Variants in SATL1 observed in about 807,000 individuals in gnomAD.
The protein encoded by SATL1 is spermidine/spermine N(1)-acetyltransferase-like protein 1.
SATL1 carries 47 observed loss-of-function variants against 51.8 expected under a neutral mutation model. That is an observed-to-expected ratio of 0.91 (90% CI 0.72 to 1.16). The LOEUF is 1.16. Among genes scored for constraint, SATL1 ranks in the 50% most tolerant of loss-of-function variants. The pLI, the probability that SATL1 is intolerant of heterozygous loss-of-function variation, is 0.00. For synonymous variants in SATL1, 176 were observed against 182.4 expected (o/e 0.97, Z 0.28); for missense variants, 520 against 526.4 (o/e 0.99, Z 0.12).
chrX:85,134,354 T>C (rs1450568008), intron 2 of SATL1, among the ~76,000 whole-genome samples: 1 of 111,593 alleles, frequency 9.0e-6, no homozygotes, highest in African/African-American at 3.3e-5. Flanking sequence ...TGTACAACCT[T>C]GCAGATTAAA....
At position 85,103,747 on chromosome X, in the gene SATL1, T is replaced by C. The variant is rs984660025; in HGVS notation, c.1693+117A>G. On this transcript the variant is annotated intron_variant, in intron 4 of 7. Coordinates refer to ENST00000644105, the MANE Select transcript of SATL1 (RefSeq NM_001367857.2). The stretch of plus-strand genomic sequence containing the variant: ...CACTGACAAAGCTATCAAATTTATG[T>C]CCTGCACATGTTAGTAATGGTGTCA... 1.5e-5 allele frequency: 7 copies of C among 460,893 alleles called. No individual in the cohort carries two copies. In the Admixed American group the frequency reaches 2.2e-4, roughly 15 times the overall value. 38.0% of individuals were successfully genotyped at this position (460,893 alleles called of 1,213,427 possible). A position where few individuals can be genotyped will look rare whatever the true frequency, so the allele number is the denominator to read the frequency against.
chrX:85,208,243 T>C (rs1374912504), intron 2 of SATL1, among the ~76,000 whole-genome samples: 2 of 111,858 alleles, frequency 1.8e-5, no homozygotes, highest in African/African-American at 6.5e-5. Flanking sequence ...CATCCTTTTT[T>C]ATGGCTGCAT....
intron 2 of SATL1, among the ~76,000 whole-genome samples, chrX:85,214,291 A>G (rs752488749): frequency 1.8e-5 from 2 of 111,470 alleles, no homozygotes; most frequent in Non-Finnish European, 3.8e-5. Context: ...GAGATCACGT[A>G]GCAAGAGAGG....
At chrX:85,150,939 C>A (rs1228498684) in intron 2 of SATL1, among the ~76,000 whole-genome samples, 1 of 111,160 alleles carries the variant, frequency 9.0e-6, no homozygotes, top group South Asian at 3.8e-4. Context: ...CGCTCCTATT[C>A]AACACAGTGT....
rs374270725 is a variant in SATL1, at chrX:85,235,613, G to A, written c.-435+7975C>T. On this transcript the variant is annotated intron_variant, in intron 1 of 7. Transcript: ENST00000644105. ...AGTGGGGCAACAAAGAAATGAAGAA[G>A]GAAACTGAAAAATTTATTGAAACAA... Among the ~76,000 whole-genome samples, 15 of 110,972 alleles carry A rather than the reference G, an allele frequency of 1.4e-4. No homozygotes were observed. The East Asian group carries it at 3.4e-3, about 25-fold the overall frequency.
chrX:85,199,309 G>A (rs1173900955), intron 2 of SATL1, among the ~76,000 whole-genome samples: 1 of 111,222 alleles, frequency 9.0e-6, no homozygotes, highest in Non-Finnish European at 1.9e-5. Context: ...GGAGAAAAGG[G>A]AACCCTCATA....
intron 2 of SATL1, among the ~76,000 whole-genome samples, chrX:85,176,506 A>T (rs1927084063): frequency 1.8e-5 from 2 of 111,736 alleles, no homozygotes; most frequent in South Asian, 7.3e-4. Context: ...ACATCTATAC[A>T]ATGGAATGCT....
intron 1 of SATL1, among the ~76,000 whole-genome samples, chrX:85,241,899 G>A (rs1928605868): frequency 2.7e-5 from 3 of 111,796 alleles, no homozygotes; most frequent in East Asian, 5.6e-4. Flanking sequence ...GGGGAGAATC[G>A]ATTTGATATA....
At chrX:85,097,012 C>A (rs995696422) in intron 4 of SATL1, among the ~76,000 whole-genome samples, 2 of 111,825 alleles carry the variant, frequency 1.8e-5, no homozygotes, top group Non-Finnish European at 3.8e-5. Context: ...AAGACAGATA[C>A]ATGAGCAATT....
chrX:85,147,011 G>A (rs1395401948), intron 2 of SATL1, among the ~76,000 whole-genome samples: 1 of 112,717 alleles, frequency 8.9e-6, no homozygotes, highest in East Asian at 2.8e-4. Context: ...CCAAAGCAGA[G>A]CGAGGCATTG....
intron 1 of SATL1, among the ~76,000 whole-genome samples, chrX:85,237,178 G>A (rs1312949875): frequency 9.0e-6 from 1 of 110,682 alleles, no homozygotes; most frequent in Non-Finnish European, 1.9e-5. Context: ...ATGCTTGTTA[G>A]GATTGCTACA....
At chrX:85,217,810 C>T (rs1464259570) in intron 2 of SATL1, among the ~76,000 whole-genome samples, 1 of 111,681 alleles carries the variant, frequency 9.0e-6, no homozygotes, top group African/African-American at 3.3e-5. Context: ...CTGCCTATCT[C>T]TCTGACTATA....
chrX:85,239,165 A>G (rs973375923), intron 1 of SATL1, among the ~76,000 whole-genome samples: 7 of 111,748 alleles, frequency 6.3e-5, no homozygotes, highest in Admixed American at 2.9e-4. Flanking sequence ...AGTGAACCCT[A>G]AAGAGGATAA....
chrX:85,182,061 CCAT>C (rs200155010), intron 2 of SATL1, among the ~76,000 whole-genome samples: 2,790 of 111,040 alleles, frequency 0.025, 85 homozygotes, highest in African/African-American at 0.087. Context: ...ATTAGCATAT[CCAT>C]CATATCAAAC....
At chrX:85,148,704 G>C (rs997073572) in intron 2 of SATL1, among the ~76,000 whole-genome samples, 20 of 111,328 alleles carry the variant, frequency 1.8e-4, no homozygotes, top group African/African-American at 4.2e-4. Flanking sequence ...AATTTCATAT[G>C]CAGCCAAACT....
In SATL1 at chrX:85,097,653, A is replaced by G. The variant is rs1324445334; in HGVS notation, c.1694-2657T>C. On this transcript the variant is annotated intron_variant, in intron 4 of 7. Coordinates refer to ENST00000644105, the MANE Select transcript of SATL1 (RefSeq NM_001367857.2). ...CACCATGCCCAGCCTAATGTACGTT[A>G]TTGGGCACACAATGTATAAAGATGT... Among the ~76,000 whole-genome samples the G allele has an allele frequency of 1.2e-4, 14 of 112,305 alleles. No individual in the cohort carries two copies. The Admixed American group carries it at 1.3e-3, about 11-fold the overall frequency.
chrX:85,229,727 A>T (rs1314445460), intron 1 of SATL1, among the ~76,000 whole-genome samples: 2 of 111,630 alleles, frequency 1.8e-5, no homozygotes, highest in Non-Finnish European at 3.8e-5. Flanking sequence ...TGAACTAATA[A>T]ACTGATTCAG....
chrX:85,197,263 G>A (rs964005220), intron 2 of SATL1, among the ~76,000 whole-genome samples: 1 of 110,992 alleles, frequency 9.0e-6, no homozygotes, highest in Non-Finnish European at 1.9e-5. Flanking sequence ...GTGTATATAT[G>A]TATGGAGTAT....
chrX:85,146,728 A>G (rs1926249807), intron 2 of SATL1, among the ~76,000 whole-genome samples: 1 of 112,364 alleles, frequency 8.9e-6, no homozygotes, highest in African/African-American at 3.2e-5. Flanking sequence ...GCAATGAAGC[A>G]CTCTCTAAAG....
Sources: gnomAD v4.1 joint callset for allele counts (sites outside exome capture counted in the v4.1 genomes callset) on GRCh38, gnomAD v4.1.1 for gene constraint, MANE v1.5 for transcripts, NCBI Gene and HGNC (gene_info 2026-07-23, HGNC 2026-07-21) for gene names.